Variants in CACNA1D observed in about 807,000 individuals in gnomAD.
CACNA1D encodes the protein voltage-dependent L-type calcium channel subunit alpha-1D.
CACNA1D carries 55 observed loss-of-function variants against 257.1 expected under a neutral mutation model. The observed-to-expected ratio is 0.21, with a 90% CI of 0.17 to 0.27. The LOEUF is 0.27. CACNA1D is among the 10% of genes least tolerant of loss of function. The pLI is 1.00. For synonymous variants in CACNA1D, 980 were observed against 1,014.9 expected (o/e 0.97, Z 0.65); for missense variants, 1,876 against 2,784.0 (o/e 0.67, Z 7.34).
intron 14 of CACNA1D, among the ~76,000 whole-genome samples, chr3:53,725,960 T>C (rs1002061160): frequency 6.6e-6 from 1 of 152,228 alleles, no homozygotes; most frequent in African/African-American, 2.4e-5. Context: ...TTTCAGGTCA[T>C]TGGTGATATC....
At chr3:53,677,288 C>A (rs2094385823) in intron 8 of CACNA1D, among the ~76,000 whole-genome samples, 2 of 152,128 alleles carry the variant, frequency 1.3e-5, no homozygotes, top group South Asian at 4.1e-4. Flanking sequence ...AGGAAGGGGG[C>A]TGGAAGACTT....
chr3:53,665,811 A>G lies in CACNA1D; in HGVS notation c.918A>G (p.Ser306=). ...KMHKTCFFAD[S]DIVAEEDPAP... ...ACAAAACATGTTTTTTTGCTGACTCAGGTGAGTAATGAGAATTGTAGCTAA... is the reference window on the plus strand; with the variant it reads ...ACAAAACATGTTTTTTTGCTGACTCGGGTGAGTAATGAGAATTGTAGCTAA... The change falls in exon 6 of 48, where the codon TCA becomes TCG. Residue 306 remains serine (S), a splice_region_variant and synonymous_variant. Coordinates refer to ENST00000350061, the MANE Select transcript of CACNA1D (RefSeq NM_001128840.3). 6.2e-7 allele frequency: 1 copy of G among 1,612,024 alleles called. No homozygotes were observed. Among genetic ancestry groups the G allele is most frequent in the Non-Finnish European group, 8.5e-7 (1 of 1,178,442 alleles).
intron 4 of CACNA1D, among the ~76,000 whole-genome samples, chr3:53,655,126 C>T (rs558735827): frequency 2.0e-5 from 3 of 152,264 alleles, no homozygotes; most frequent in African/African-American, 2.4e-5. Context: ...GCTCCATCCA[C>T]GTGCCCACAA....
At chr3:53,688,273 G>C (rs2094490784) in intron 8 of CACNA1D, among the ~76,000 whole-genome samples, 1 of 152,200 alleles carries the variant, frequency 6.6e-6, no homozygotes, top group Admixed American at 6.5e-5. Flanking sequence ...TGGCCTGTGG[G>C]GTCTCTGCTG....
chr3:53,663,563 CATGACCTCTTTTT>C (rs2094227396), intron 5 of CACNA1D, among the ~76,000 whole-genome samples: 1 of 152,184 alleles, frequency 6.6e-6, no homozygotes, highest in Non-Finnish European at 1.5e-5. Flanking sequence ...TCCTTCTTTT[CATGACCTCTTTTT>C]CTGTCCCTTG....
At chr3:53,794,710 C>A (rs2095499975) in intron 40 of CACNA1D, among the ~76,000 whole-genome samples, 1 of 152,184 alleles carries the variant, frequency 6.6e-6, no homozygotes. Flanking sequence ...CAAGAACATG[C>A]AAGCACAAAG....
chr3:53,608,166 AT>A (rs57703475), intron 3 of CACNA1D, among the ~76,000 whole-genome samples: 4,072 of 152,048 alleles, frequency 0.027, 202 homozygotes, highest in African/African-American at 0.093. Flanking sequence ...ATTTGATTTA[AT>A]TTTTTTCAAT....
Position 53,509,388 on chromosome 3 carries a change from G to A in CACNA1D, c.483+7668G>A, listed in dbSNP as rs193049002. Among the ~76,000 whole-genome samples, 8 of 152,258 alleles carry A rather than the reference G, an allele frequency of 5.3e-5. No individual in the cohort carries two copies. In the East Asian group the frequency reaches 9.7e-4, roughly 18 times the overall value. On this transcript the variant is annotated intron_variant, in intron 3 of 47. Transcript: ENST00000350061. ...ATTGTTGACACAGGCCTTGCAGGAC[G>A]AAGCCTTCCTTTGGTGGCTTTAATT...
intron 14 of CACNA1D, among the ~76,000 whole-genome samples, chr3:53,725,329 C>T (rs2094925228): frequency 6.6e-6 from 1 of 152,066 alleles, no homozygotes; most frequent in African/African-American, 2.4e-5. Flanking sequence ...GGTAGATGTG[C>T]CGTTGTTCAT....
chr3:53,729,017 C>A (rs925758240), intron 15 of CACNA1D, among the ~76,000 whole-genome samples: 1 of 152,166 alleles, frequency 6.6e-6, no homozygotes, highest in Non-Finnish European at 1.5e-5. Flanking sequence ...AGTGTCATGG[C>A]AAGACTAGAG....
chr3:53,769,688 A>G (rs1389965873), intron 30 of CACNA1D, among the ~76,000 whole-genome samples: 2 of 152,234 alleles, frequency 1.3e-5, no homozygotes, highest in Non-Finnish European at 2.9e-5. Flanking sequence ...CACACTCTGC[A>G]TCTGTTGAGG....
rs918194083 is a variant in CACNA1D at position 53,495,166 on chromosome 3, G to T, written c.-1G>T. The stretch of plus-strand genomic sequence containing the variant: ...AGTAGTCGCTCAATAAATGTTCGTG[G>T]ATGATGATGATGATGATGATGAAAA... On this transcript the variant is annotated 5_prime_UTR_variant, in exon 1 of 48. Transcript: ENST00000350061. The surrounding 1 kb of genome is among the most constrained non-coding windows in gnomAD (Gnocchi z 5.1). 6.5e-7 allele frequency: 1 copy of T among 1,546,074 alleles called. No individual in the cohort carries two copies. The highest frequency in any genetic ancestry group is 8.9e-7 in the Non-Finnish European group (1 of 1,123,400).
chr3:53,654,092 C>T (rs954540568), intron 4 of CACNA1D, among the ~76,000 whole-genome samples: 2 of 152,098 alleles, frequency 1.3e-5, no homozygotes, highest in Non-Finnish European at 1.5e-5. Context: ...AAAATTTTTT[C>T]AGACATTCTA....
intron 26 of CACNA1D, 150 bp from the exon 27 acceptor site, chr3:53,749,118 G>A (rs1033675278): frequency 4.2e-6 from 3 of 709,652 alleles, no homozygotes; most frequent in African/African-American, 1.7e-5. Context: ...GCTGATGGGA[G>A]AGACCTGGTT....
chr3:53,536,705 G>A (rs1439952147), intron 3 of CACNA1D, among the ~76,000 whole-genome samples: 1 of 152,210 alleles, frequency 6.6e-6, no homozygotes, highest in African/African-American at 2.4e-5. Flanking sequence ...TATAAAAATG[G>A]TACAAAATTC....
intron 9 of CACNA1D, among the ~76,000 whole-genome samples, chr3:53,708,427 A>G (rs1027842287): frequency 6.6e-6 from 1 of 152,322 alleles, no homozygotes; most frequent in Admixed American, 6.5e-5. Context: ...GGGCTGACTC[A>G]GGGGCTGGCC....
At position 53,685,597 on chromosome 3, in the gene CACNA1D, C is replaced by T. The variant is rs553855405; in HGVS notation, c.1220+12471C>T. On this transcript the variant is annotated intron_variant, in intron 8 of 47. Transcript: ENST00000350061. ...TGGCCATGAAAGTCTCATTACCTCT[C>T]GATTGAAATTTTACAAAGTATCTTT... 7.2e-5 allele frequency among the ~76,000 whole-genome samples: 11 copies of T among 152,178 alleles called. No individual in the cohort carries two copies. The East Asian group carries it at 1.2e-3, about 16-fold the overall frequency.
rs1360676542 is a variant in CACNA1D at position 53,534,194 on chromosome 3, A to G, written c.483+32474A>G. Among the ~76,000 whole-genome samples, 27 of 152,252 alleles carry G rather than the reference A, an allele frequency of 1.8e-4. No individual in the cohort carries two copies. In the East Asian group the frequency reaches 5.2e-3, roughly 29 times the overall value. On this transcript the variant is annotated intron_variant, in intron 3 of 47. Transcript: ENST00000350061. ...CAGCCCTTTGGTGTGGCTCCCAGGG[A>G]CGCCTGAGTTATTTCCAGAAGTGGC...
chr3:53,578,305 G>A (rs2093072820), intron 3 of CACNA1D, among the ~76,000 whole-genome samples: 2 of 152,076 alleles, frequency 1.3e-5, no homozygotes, highest in African/African-American at 4.8e-5. Flanking sequence ...GAGGGGTGTG[G>A]TTTTATAGGC....
Sources: gnomAD v4.1 joint callset for allele counts (sites outside exome capture counted in the v4.1 genomes callset) on GRCh38, gnomAD v4.1.1 for gene constraint, Gnocchi (gnomAD v3.1) non-coding constraint, MANE v1.5 for transcripts, NCBI Gene and HGNC (gene_info 2026-07-23, HGNC 2026-07-21) for gene names.